CYRIB: variants seen among roughly 807,000 people sequenced by gnomAD.
The protein encoded by CYRIB is CYFIP related Rac1 interactor B.
Under a neutral mutation model 44.2 loss-of-function variants are expected in CYRIB, and 8 were observed. That is an observed-to-expected ratio of 0.18 (90% CI 0.11 to 0.33). CYRIB has a LOEUF of 0.33. Ranked by LOEUF, CYRIB falls within the 10% of genes least tolerant of loss-of-function variation. The pLI, the probability that CYRIB is intolerant of heterozygous loss-of-function variation, is 1.00. For missense variants in CYRIB, 185 were observed against 382.8 expected, an observed-to-expected ratio of 0.48 and a Z score of 4.31; for synonymous variants, 131 against 127.2, an observed-to-expected ratio of 1.03 and a Z score of -0.20.
At chr8:129,962,886 C>T (rs1591278162) in intron 2 of CYRIB, among the ~76,000 whole-genome samples, 1 of 152,354 alleles carries the variant, frequency 6.6e-6, no homozygotes, top group African/African-American at 2.4e-5. Flanking sequence ...CCCTGGAAAC[C>T]TGCAATCTTT....
chr8:129,913,877 T>C (rs1325347294), intron 1 of CYRIB, among the ~76,000 whole-genome samples: 3 of 152,266 alleles, frequency 2.0e-5, no homozygotes, highest in Non-Finnish European at 4.4e-5. Flanking sequence ...TACTATTGTA[T>C]AGACCATAAC....
intron 1 of CYRIB, among the ~76,000 whole-genome samples, chr8:129,913,170 A>C (rs920915363): frequency 2.6e-5 from 4 of 151,982 alleles, no homozygotes; most frequent in Non-Finnish European, 2.9e-5. Flanking sequence ...ACAGGGTTTC[A>C]CCGTGTTAGC....
chr8:129,910,698 T>C (rs1395933592), intron 1 of CYRIB, among the ~76,000 whole-genome samples: 3 of 152,260 alleles, frequency 2.0e-5, no homozygotes, highest in African/African-American at 7.2e-5. Flanking sequence ...CATGTGTGGC[T>C]GAGACAAGAG....
At chr8:129,999,134 G>C (rs962101814) in intron 1 of CYRIB, among the ~76,000 whole-genome samples, 1 of 152,114 alleles carries the variant, frequency 6.6e-6, no homozygotes, top group Non-Finnish European at 1.5e-5. Flanking sequence ...AACGTGGGGG[G>C]GGTGGGACGC....
At chr8:129,943,086 A>ACCCCCCCCCCCCCCCCCCCCCCCC (rs779721289), upstream of CYRIB, among the ~76,000 whole-genome samples, 3 of 101,578 alleles carry the variant, frequency 3.0e-5, no homozygotes, top group Admixed American at 1.1e-4. Context: ...TGCACCGCCC[A>ACCCCCCCCCCCCCCCCCCCCCCCC]CCCGCCCCCC....
At chr8:129,871,475 T>C in exon 4 of CYRIB, 3 of 1,609,576 alleles carry the variant, frequency 1.9e-6, no homozygotes, top group Non-Finnish European at 2.5e-6. Flanking sequence ...AATTTCCTTC[T>C]CAGACTCTGT....
intron 1 of CYRIB, among the ~76,000 whole-genome samples, chr8:129,984,836 G>A (rs771189376): frequency 2.0e-5 from 3 of 152,022 alleles, no homozygotes; most frequent in South Asian, 2.1e-4. Flanking sequence ...GTGCAATGGC[G>A]CGATTTCAGC....
chr8:129,876,291 G>C (rs971640842), intron 3 of CYRIB, among the ~76,000 whole-genome samples: 1 of 151,960 alleles, frequency 6.6e-6, no homozygotes, highest in Non-Finnish European at 1.5e-5. Flanking sequence ...GGTCACTTCA[G>C]CCTGGGAGGT....
chr8:129,958,621 T>C (rs191060533), intron 2 of CYRIB, among the ~76,000 whole-genome samples: 154 of 152,228 alleles, frequency 1.0e-3, no homozygotes, highest in African/African-American at 3.6e-3. Context: ...AGAGAAACCA[T>C]TTCTGTGAAA....
At chr8:129,976,746 C>T (rs1221275895) in intron 1 of CYRIB, among the ~76,000 whole-genome samples, 3 of 151,972 alleles carry the variant, frequency 2.0e-5, no homozygotes, top group Non-Finnish European at 4.4e-5. Flanking sequence ...TCTGAGAAGC[C>T]AAACATTTGT....
rs1053014256 is a variant in CYRIB, at chr8:129,975,161, G to A, written c.-295-4166C>T. On this transcript the variant is annotated intron_variant, in intron 1 of 14. Coordinates refer to the CYRIB transcript ENST00000401979. ...CCCAAAGTGCTGGGATTACAGGCGT[G>A]AGCCACTGCGCCTGACCTAATTTTT... Among the ~76,000 whole-genome samples, 14 of 152,186 alleles carry A rather than the reference G, an allele frequency of 9.2e-5. 1 individual carries two copies. The East Asian group carries it at 1.4e-3, about 15-fold the overall frequency.
At position 129,854,457 on chromosome 8, in the gene CYRIB, C is replaced by G. The variant is rs7016028; in HGVS notation, c.439-114G>C. On this transcript the variant is annotated intron_variant, in intron 6 of 11. Transcript: ENST00000519824. ...TAAAACATTCCATAATTCATAGTAT[C>G]ATTTTAAGAACTAGCACTGGTATAA... 3,752 of 707,890 alleles carry G rather than the reference C, an allele frequency of 5.3e-3. 128 individuals are homozygous for G. In the African/African-American group the frequency reaches 0.061, roughly 11 times the overall value. The allele number at this position is 707,890 out of a possible 1,614,324, so 43.9% of individuals were successfully genotyped here.
chr8:129,968,285 CTT>C (rs1439768728), intron 2 of CYRIB, among the ~76,000 whole-genome samples: 5 of 152,320 alleles, frequency 3.3e-5, no homozygotes, highest in African/African-American at 1.2e-4. Flanking sequence ...TCATTTAACT[CTT>C]TTGTTGGATT....
At chr8:129,954,603 A>T (rs1486022621) in intron 2 of CYRIB, among the ~76,000 whole-genome samples, 2 of 152,142 alleles carry the variant, frequency 1.3e-5, no homozygotes, top group African/African-American at 4.8e-5. Flanking sequence ...AATTTTAGAA[A>T]TGGGAAAAAC....
chr8:130,011,220 CT>C (rs2097205727), intron 1 of CYRIB, among the ~76,000 whole-genome samples: 1 of 152,138 alleles, frequency 6.6e-6, no homozygotes, highest in Non-Finnish European at 1.5e-5. Flanking sequence ...GCCCAGGAAG[CT>C]TTCAAGAACG....
chr8:129,921,052 T>C (rs2137104655), intron 1 of CYRIB, among the ~76,000 whole-genome samples: 1 of 152,276 alleles, frequency 6.6e-6, no homozygotes, highest in African/African-American at 2.4e-5. Flanking sequence ...TACAAGAAAA[T>C]ACTGATCACC....
intron 1 of CYRIB, among the ~76,000 whole-genome samples, chr8:129,927,725 G>A (rs965687460): frequency 1.3e-5 from 2 of 152,114 alleles, no homozygotes; most frequent in African/African-American, 2.4e-5. Flanking sequence ...ATATGAGCAT[G>A]TATGTTTACA....
chr8:129,932,838 T>C (rs540362858), intron 1 of CYRIB, among the ~76,000 whole-genome samples: 2 of 152,240 alleles, frequency 1.3e-5, no homozygotes, highest in East Asian at 3.9e-4. Flanking sequence ...GTGATCCTAG[T>C]GGTGGATGGG....
intron 2 of CYRIB, among the ~76,000 whole-genome samples, chr8:129,894,740 T>C (rs1262139556): frequency 6.6e-6 from 1 of 152,126 alleles, no homozygotes; most frequent in Non-Finnish European, 1.5e-5. Flanking sequence ...TCATAATTTC[T>C]TATTTTATTT....
Sources: gnomAD v4.1 joint callset for allele counts (sites outside exome capture counted in the v4.1 genomes callset) on GRCh38, gnomAD v4.1.1 for gene constraint, MANE v1.5 for transcripts, NCBI Gene and HGNC (gene_info 2026-07-23, HGNC 2026-07-21) for gene names.